The following NFIA variants were observed in gnomAD, a reference collection of about 807,000 sequenced individuals.
NFIA encodes nuclear factor I A, also known as nuclear factor 1 A-type.
A neutral mutation model predicts 62.8 loss-of-function variants in NFIA; 8 were observed. The observed-to-expected ratio is 0.13, with a 90% CI of 0.07 to 0.23. The LOEUF (loss-of-function observed/expected upper bound fraction) is 0.23. Among genes scored for constraint, NFIA ranks in the 10% least tolerant of loss-of-function variants. NFIA has a pLI of 1.00. For missense variants in NFIA, 410 were observed against 642.1 expected (o/e 0.64, Z 3.91); for synonymous variants, 235 against 238.1 (o/e 0.99, Z 0.12).
At chr1:61,151,574 C>T (rs1034973109) in intron 2 of NFIA, among the ~76,000 whole-genome samples, 2 of 152,108 alleles carry the variant, frequency 1.3e-5, no homozygotes, top group Non-Finnish European at 2.9e-5. Flanking sequence ...ATTTATGACC[C>T]TCTGGATCCC....
intron 7 of NFIA, among the ~76,000 whole-genome samples, chr1:61,400,093 A>G (rs1403041969): frequency 1.3e-5 from 2 of 152,230 alleles, no homozygotes; most frequent in African/African-American, 4.8e-5. Context: ...GAGGGAATGA[A>G]CAAGTAAACC....
chr1:61,080,658 A>C (rs1440712262), upstream of NFIA, among the ~76,000 whole-genome samples: 3 of 152,228 alleles, frequency 2.0e-5, no homozygotes, highest in Non-Finnish European at 4.4e-5. Flanking sequence ...AACCAAGGAA[A>C]AGCAGTGGGT....
At chr1:61,297,553 A>T (rs980005910) in intron 3 of NFIA, among the ~76,000 whole-genome samples, 4 of 152,190 alleles carry the variant, frequency 2.6e-5, no homozygotes. Context: ...TCTTTGATAT[A>T]AATGTTGCGG....
At position 61,135,973 on chromosome 1, in the gene NFIA, C is replaced by T. The variant is rs567521660; in HGVS notation, c.559+47293C>T. Among the ~76,000 whole-genome samples the T allele has an allele frequency of 9.9e-5, 15 of 152,254 alleles. No homozygotes were observed. In the East Asian group the frequency reaches 2.5e-3, roughly 25 times the overall value. ...GCTATTGAAAAAAATCAGAACCCTC[C>T]GCTTACGCTCGCATACATGTAGCTT... On this transcript the variant is annotated intron_variant, in intron 2 of 10. Coordinates refer to ENST00000403491, the MANE Select transcript of NFIA (RefSeq NM_001134673.4).
chr1:61,137,942 C>G (rs76974264), intron 2 of NFIA, among the ~76,000 whole-genome samples: 11,463 of 150,746 alleles, frequency 0.076, 432 homozygotes, highest in East Asian at 0.098. Flanking sequence ...CTCTCTCTCT[C>G]TCTCCCACCT....
chr1:61,347,259 C>T lies in NFIA; in HGVS notation c.701-5191C>T, dbSNP rs185535292. Among the ~76,000 whole-genome samples, 598 of 146,378 alleles carry T rather than the reference C, an allele frequency of 4.1e-3. 2 individuals carry two copies. Among genetic ancestry groups the T allele is most frequent in the Non-Finnish European group, 6.8e-3 (456 of 67,176 alleles). On this transcript the variant is annotated intron_variant, in intron 4 of 10. Coordinates refer to ENST00000403491, the MANE Select transcript of NFIA (RefSeq NM_001134673.4). ...CACGATCTGGGCTCACTGTAAGCTC[C>T]GCCTCCTGGGTTCACACCATTCTCC...
intron 2 of NFIA, chr1:61,124,965 G>A (rs1414138697): frequency 3.9e-5 from 6 of 152,202 alleles, no homozygotes; most frequent in African/African-American, 1.4e-4. Flanking sequence ...AAGCAGCTGT[G>A]ACTCTGGATC....
intron 2 of NFIA, among the ~76,000 whole-genome samples, chr1:61,222,307 G>A (rs967337102): frequency 1.4e-4 from 22 of 152,130 alleles, no homozygotes; most frequent in Non-Finnish European, 2.5e-4. Context: ...AGAAAGTCAA[G>A]TAATTTGCAT....
chr1:61,250,392 C>G (rs1250764701), intron 2 of NFIA, among the ~76,000 whole-genome samples: 7 of 152,204 alleles, frequency 4.6e-5, no homozygotes, highest in Admixed American at 4.6e-4. Context: ...TTTGGCCTCT[C>G]TTTTTGTTCT....
Position 61,139,878 on chromosome 1 carries a change from C to CAA in NFIA, c.559+51221_559+51222dup, listed in dbSNP as rs35520094. On this transcript the variant is annotated intron_variant, in intron 2 of 10. Transcript: ENST00000403491. ...TGTTTTCTATACTTAGGGAATTTAC[C>CAA]AAAAAAAAAAAAAAAAAAAAAAAAG... 5.9e-3 allele frequency among the ~76,000 whole-genome samples: 439 copies of CAA among 73,828 alleles called. 2 individuals carry two copies. The highest frequency in any genetic ancestry group is 0.02 in the East Asian group (51 of 2,566). 48.4% of individuals were successfully genotyped at this position (73,828 alleles called of 152,430 possible).
At chr1:61,128,784 G>A in intron 2 of NFIA, among the ~76,000 whole-genome samples, 1 of 152,038 alleles carries the variant, frequency 6.6e-6, no homozygotes. Flanking sequence ...TTTTAGACTT[G>A]AGACCTTAGG....
intron 2 of NFIA, among the ~76,000 whole-genome samples, chr1:61,242,379 A>G (rs186312151): frequency 6.6e-6 from 1 of 152,150 alleles, no homozygotes; most frequent in Non-Finnish European, 1.5e-5. Flanking sequence ...AGGTAGATAG[A>G]AGAAGCTGAG....
chr1:61,154,251 G>A (rs986140768), intron 2 of NFIA, among the ~76,000 whole-genome samples: 2 of 152,026 alleles, frequency 1.3e-5, no homozygotes, highest in East Asian at 1.9e-4. Context: ...TTGGCTCACC[G>A]CCTCCCAGAT....
At chr1:61,427,087 C>G (rs1666902040) in intron 10 of NFIA, among the ~76,000 whole-genome samples, 1 of 152,118 alleles carries the variant, frequency 6.6e-6, no homozygotes, top group Admixed American at 6.5e-5. Flanking sequence ...TTACTGCTGA[C>G]CACTGGGGAG....
intron 6 of NFIA, among the ~76,000 whole-genome samples, chr1:61,362,782 G>C (rs1254014490): frequency 6.6e-6 from 1 of 152,102 alleles, no homozygotes; most frequent in African/African-American, 2.4e-5. Context: ...ACTTAGTTTT[G>C]TTTCCCAGTT....
chr1:61,175,301 C>A (rs977317757), intron 2 of NFIA, among the ~76,000 whole-genome samples: 3 of 151,992 alleles, frequency 2.0e-5, no homozygotes, highest in Non-Finnish European at 4.4e-5. Flanking sequence ...ACCACCACAC[C>A]CATCTAATTT....
intron 7 of NFIA, among the ~76,000 whole-genome samples, chr1:61,391,142 C>G (rs529705682): frequency 6.6e-6 from 1 of 152,230 alleles, no homozygotes; most frequent in Non-Finnish European, 1.5e-5. Context: ...CTCACTGCAG[C>G]CTCGACCTCC....
chr1:61,165,196 C>T (rs1479726040), intron 2 of NFIA, among the ~76,000 whole-genome samples: 1 of 152,092 alleles, frequency 6.6e-6, no homozygotes, highest in Non-Finnish European at 1.5e-5. Flanking sequence ...ATGAATTACT[C>T]TATTTTTTAA....
chr1:61,182,688 C>G (rs1650835643), intron 2 of NFIA, among the ~76,000 whole-genome samples: 1 of 152,068 alleles, frequency 6.6e-6, no homozygotes, highest in African/African-American at 2.4e-5. Flanking sequence ...TCCATAATAT[C>G]AAAAAAATTA....
Sources: gnomAD v4.1 joint callset for allele counts (sites outside exome capture counted in the v4.1 genomes callset) on GRCh38, gnomAD v4.1.1 for gene constraint, MANE v1.5 for transcripts, NCBI Gene and HGNC (gene_info 2026-07-23, HGNC 2026-07-21) for gene names.